Variants in STYX observed in about 807,000 individuals in gnomAD.
The protein encoded by STYX is serine/threonine/tyrosine-interacting protein.
STYX carries 20 observed loss-of-function variants against 42.7 expected under a neutral mutation model. The ratio of observed to expected loss-of-function variants is 0.47; its 90% CI spans 0.33 to 0.68. The LOEUF is 0.68. Ranked by LOEUF, STYX falls within the 30% of genes least tolerant of loss-of-function variation. The pLI is 0.02. For missense variants in STYX, 226 were observed against 268.5 expected, an observed-to-expected ratio of 0.84 and a Z score of 1.11; for synonymous variants, 78 against 81.9, an observed-to-expected ratio of 0.95 and a Z score of 0.26.
In STYX at chr14:52,730,422, G is replaced by C; in HGVS notation, c.-53G>C. ...CGCCGCCGCAGCCAGCCCGAGGGTC[G>C]GCCGGCTGTGTAACACTCTCCCACC... is the stretch of plus-strand genomic sequence containing the variant. On this transcript the variant is annotated 5_prime_UTR_variant, in exon 1 of 11. Transcript: ENST00000354586. The C allele has an allele frequency of 1.9e-6, 3 of 1,596,818 alleles. No homozygotes were observed. The highest frequency in any genetic ancestry group is 2.3e-5 in the East Asian group (1 of 44,328).
chr14:52,757,700 C>T, intron 6 of STYX, 43 bp from the exon 7 acceptor site: 1 of 1,590,432 alleles, frequency 6.3e-7, no homozygotes, highest in South Asian at 1.1e-5. Flanking sequence ...CAGCTACTGA[C>T]TCAGGTGTTT....
rs1469321835 is a variant in STYX, at chr14:52,772,791, C to T, written c.*1685C>T. The T allele has an allele frequency of 6.6e-6, 1 of 151,940 alleles. No homozygotes were observed. Among genetic ancestry groups the T allele is most frequent in the African/African-American group, 2.4e-5 (1 of 41,284 alleles). 9.4% of individuals were successfully genotyped at this position (151,940 alleles called of 1,614,324 possible). Reference sequence around the variant, plus strand: ...TCCTATTGACCCAGGTGATATTTCTCTTCTGATTTCCCTCCCCTTCCCTTC... The same window carrying T: ...TCCTATTGACCCAGGTGATATTTCTTTTCTGATTTCCCTCCCCTTCCCTTC... On this transcript the variant is annotated 3_prime_UTR_variant, in exon 11 of 11. Transcript: ENST00000354586.
chr14:52,771,272 G>A lies in STYX; in HGVS notation c.*166G>A, dbSNP rs1882500160. On this transcript the variant is annotated 3_prime_UTR_variant, in exon 11 of 11. Transcript: ENST00000354586. ...TGTTGAGCAACATTTTAAGATGTTG[G>A]ACTTCTGCAATAGATGACACTGATG... is the stretch of plus-strand genomic sequence containing the variant. The A allele has an allele frequency of 1.7e-6, 1 of 580,144 alleles. No homozygotes were observed. Among genetic ancestry groups the A allele is most frequent in the South Asian group, 2.7e-5 (1 of 36,532 alleles). 35.9% of individuals were successfully genotyped at this position (580,144 alleles called of 1,614,324 possible).
At position 52,772,129 on chromosome 14, in the gene STYX, T is replaced by G. The variant is rs1882533502; in HGVS notation, c.*1023T>G. 6.6e-6 allele frequency: 1 copy of G among 152,270 alleles called. No homozygotes were observed. The highest frequency in any genetic ancestry group is 1.5e-5 in the Non-Finnish European group (1 of 67,972). The allele number at this position is 152,270 out of a possible 1,614,324, so 9.4% of individuals were successfully genotyped here. A position where few individuals can be genotyped will look rare whatever the true frequency, so the allele number is the denominator to read the frequency against. On this transcript the variant is annotated 3_prime_UTR_variant, in exon 11 of 11. Transcript: ENST00000354586. ...AGAACACTGAAAAGTTCTTAACATT[T>G]TTGTGTAATTTCCTTTCTTTTTAAA...
intron 3 of STYX, among the ~76,000 whole-genome samples, chr14:52,747,920 A>C (rs749506643): frequency 2.6e-5 from 4 of 152,184 alleles, no homozygotes; most frequent in African/African-American, 9.6e-5. Context: ...TGAATCTGGG[A>C]GGTAGAAGTT....
intron 1 of STYX, among the ~76,000 whole-genome samples, chr14:52,739,229 G>A (rs181497814): frequency 1.1e-3 from 172 of 151,124 alleles, no homozygotes; most frequent in African/African-American, 3.8e-3. Context: ...GACTGTTATC[G>A]AATCCTGATG....
At chr14:52,746,344 G>A (rs1283097077) in intron 2 of STYX, 82 bp from the exon 3 acceptor site, 5 of 987,872 alleles carry the variant, frequency 5.1e-6, no homozygotes, top group African/African-American at 1.7e-5. Context: ...TTTTGATTTG[G>A]CCAAATAAGG....
At chr14:52,742,516 A>G (rs1881231627) in intron 1 of STYX, among the ~76,000 whole-genome samples, 1 of 152,172 alleles carries the variant, frequency 6.6e-6, no homozygotes, top group Admixed American at 6.5e-5. Flanking sequence ...GTGTCAAAAG[A>G]CAAAATTACA....
At chr14:52,763,680 T>A (rs1015417772) in intron 9 of STYX, among the ~76,000 whole-genome samples, 5 of 152,182 alleles carry the variant, frequency 3.3e-5, no homozygotes, top group Admixed American at 6.5e-5. Context: ...TACATTGTAA[T>A]CACAGAATGT....
At chr14:52,763,101 C>T (rs1309101825) in intron 9 of STYX, among the ~76,000 whole-genome samples, 1 of 151,838 alleles carries the variant, frequency 6.6e-6, no homozygotes, top group African/African-American at 2.4e-5. Context: ...CCACATTGGC[C>T]AGGCTGGTCT....
At chr14:52,734,598 AAGAC>A (rs1476954720) in intron 1 of STYX, among the ~76,000 whole-genome samples, 1 of 152,236 alleles carries the variant, frequency 6.6e-6, no homozygotes, top group African/African-American at 2.4e-5. Flanking sequence ...ACTGGAGAGA[AAGAC>A]CATGTATTTC....
intron 1 of STYX, among the ~76,000 whole-genome samples, chr14:52,742,547 T>G (rs1485232171): frequency 6.6e-6 from 1 of 152,192 alleles, no homozygotes; most frequent in Non-Finnish European, 1.5e-5. Context: ...CTTAAAAATC[T>G]AACTCACTTT....
chr14:52,761,192 G>T (rs1044116566), intron 9 of STYX, among the ~76,000 whole-genome samples: 3 of 152,010 alleles, frequency 2.0e-5, no homozygotes, highest in African/African-American at 7.2e-5. Flanking sequence ...GCTGGATGTG[G>T]TGATGCATGC....
intron 8 of STYX, among the ~76,000 whole-genome samples, chr14:52,758,952 C>A (rs1031885586): frequency 3.9e-5 from 6 of 151,960 alleles, no homozygotes; most frequent in Non-Finnish European, 7.4e-5. Context: ...TTTATTATTT[C>A]GAATTTTGTC....
In STYX at chr14:52,768,826, TA is replaced by T. The variant is rs201363494; in HGVS notation, c.505-13del. On this transcript the variant is annotated splice_polypyrimidine_tract_variant and intron_variant, in intron 9 of 10. Coordinates refer to ENST00000354586, the MANE Select transcript of STYX (RefSeq NM_145251.4). ...AAATATATAATTAAGTTAATTAACTTATTTTTTTTTTAGGAATATGAAGCCA... is the reference window on the plus strand; with the variant it reads ...AAATATATAATTAAGTTAATTAACTTTTTTTTTTTTAGGAATATGAAGCCA... The T allele has an allele frequency of 0.034, 42,154 of 1,230,588 alleles. 80 individuals are homozygous for T. The highest frequency in any genetic ancestry group is 0.067 in the African/African-American group (4,404 of 65,812). The allele number at this position is 1,230,588 out of a possible 1,614,324, so 76.2% of individuals were successfully genotyped here. A position where few individuals can be genotyped will look rare whatever the true frequency, so the allele number is the denominator to read the frequency against.
At chr14:52,736,070 A>C (rs1169327681) in intron 1 of STYX, among the ~76,000 whole-genome samples, 1 of 151,948 alleles carries the variant, frequency 6.6e-6, no homozygotes, top group Non-Finnish European at 1.5e-5. Flanking sequence ...CCCTAGCCAT[A>C]TTTATCTTCT....
At chr14:52,749,223 G>A (rs1881513697) in intron 3 of STYX, among the ~76,000 whole-genome samples, 1 of 152,108 alleles carries the variant, frequency 6.6e-6, no homozygotes, top group Non-Finnish European at 1.5e-5. Flanking sequence ...GTACAATCCT[G>A]TCATGGAGGT....
intron 1 of STYX, among the ~76,000 whole-genome samples, chr14:52,739,898 T>C (rs1881118806): frequency 6.6e-6 from 1 of 152,182 alleles, no homozygotes; most frequent in African/African-American, 2.4e-5. Context: ...TGCCCCAGCC[T>C]TCCAAAGGGC....
intron 8 of STYX, among the ~76,000 whole-genome samples, chr14:52,758,882 A>G (rs543580872): frequency 6.6e-6 from 1 of 152,026 alleles, no homozygotes; most frequent in African/African-American, 2.4e-5. Flanking sequence ...CCAGAATACA[A>G]ATATTTAATT....
Sources: allele counts gnomAD v4.1 joint callset (sites outside exome capture counted in the v4.1 genomes callset), GRCh38; gene constraint gnomAD v4.1.1; transcripts MANE v1.5; gene names NCBI Gene and HGNC (gene_info 2026-07-23, HGNC 2026-07-21).